Variants in ARHGAP24 observed in about 807,000 individuals in gnomAD.
ARHGAP24 encodes the protein rho GTPase-activating protein 24.
In ARHGAP24, 50 loss-of-function variants were observed where a neutral mutation model predicts 76.4. That is an observed-to-expected ratio of 0.65 (90% CI 0.52 to 0.83). The LOEUF (loss-of-function observed/expected upper bound fraction) is 0.83. Ranked by LOEUF, ARHGAP24 falls within the 40% of genes least tolerant of loss-of-function variation. The pLI, the probability that ARHGAP24 is intolerant of heterozygous loss-of-function variation, is 0.00. For synonymous variants in ARHGAP24, 345 were observed against 323.3 expected, an observed-to-expected ratio of 1.07 and a Z score of -0.72; for missense variants, 930 against 914.2, an observed-to-expected ratio of 1.02 and a Z score of -0.22.
At position 86,000,952 on chromosome 4, in the gene ARHGAP24, T is replaced by C; in HGVS notation, c.*230T>C. On this transcript the variant is annotated 3_prime_UTR_variant, in exon 10 of 10. Coordinates refer to ENST00000395184, the MANE Select transcript of ARHGAP24 (RefSeq NM_001025616.3). ...AACTGGATATGTGTATATAGAGTAG[T>C]TTTTCAAAAGTAAACTAAAAATGAG... 1.8e-6 allele frequency: 1 copy of C among 558,170 alleles called. No individual in the cohort carries two copies. The highest frequency in any genetic ancestry group is 3.0e-6 in the Non-Finnish European group (1 of 331,220). 34.6% of individuals were successfully genotyped at this position (558,170 alleles called of 1,614,324 possible). A position where few individuals can be genotyped will look rare whatever the true frequency, so the allele number is the denominator to read the frequency against.
Position 85,963,028 on chromosome 4 carries a change from G to C in ARHGAP24, c.600-9008G>C, listed in dbSNP as rs1175212135. On this transcript the variant is annotated intron_variant, in intron 5 of 9. Coordinates refer to ENST00000395184, the MANE Select transcript of ARHGAP24 (RefSeq NM_001025616.3). ...TATCTGTATGTATGTACATTTATGTGTGTGTAATATGTGTATGTACACACA... is the reference window on the plus strand; with the variant it reads ...TATCTGTATGTATGTACATTTATGTCTGTGTAATATGTGTATGTACACACA... 2.0e-5 allele frequency among the ~76,000 whole-genome samples: 3 copies of C among 151,948 alleles called. No homozygotes were observed. In the East Asian group the frequency reaches 5.8e-4, roughly 29 times the overall value.
intron 3 of ARHGAP24, among the ~76,000 whole-genome samples, chr4:85,880,302 G>T (rs1471289656): frequency 6.6e-6 from 1 of 152,120 alleles, no homozygotes; most frequent in Admixed American, 6.5e-5. Flanking sequence ...GAATGGCACA[G>T]GCATTACAAC....
At chr4:85,616,199 G>A (rs1476835253) in intron 2 of ARHGAP24, among the ~76,000 whole-genome samples, 1 of 152,140 alleles carries the variant, frequency 6.6e-6, no homozygotes, top group Non-Finnish European at 1.5e-5. Flanking sequence ...TATTAATCCA[G>A]TAGCTGAGAG....
chr4:85,758,242 T>C (rs1426212704), intron 3 of ARHGAP24, among the ~76,000 whole-genome samples: 1 of 152,204 alleles, frequency 6.6e-6, no homozygotes, highest in Non-Finnish European at 1.5e-5. Context: ...ATCAGTTATC[T>C]TCCTGAAGAT....
intron 1 of ARHGAP24, among the ~76,000 whole-genome samples, chr4:85,502,480 T>C (rs1452301137): frequency 6.6e-6 from 1 of 152,146 alleles, no homozygotes; most frequent in Non-Finnish European, 1.5e-5. Flanking sequence ...ATTCTCTTTG[T>C]AGTAATTGTG....
chr4:85,499,280 T>C (rs1245020500), intron 1 of ARHGAP24, among the ~76,000 whole-genome samples: 2 of 152,140 alleles, frequency 1.3e-5, no homozygotes, highest in Non-Finnish European at 2.9e-5. Flanking sequence ...TGATGATAGG[T>C]TTAGTTCATA....
chr4:85,585,570 A>T (rs749627199), intron 2 of ARHGAP24, among the ~76,000 whole-genome samples: 12 of 152,222 alleles, frequency 7.9e-5, no homozygotes, highest in Non-Finnish European at 1.6e-4. Flanking sequence ...ATACCTGTTG[A>T]TGTGATGATG....
chr4:85,543,859 A>G (rs1237314619), intron 1 of ARHGAP24, among the ~76,000 whole-genome samples: 1 of 152,200 alleles, frequency 6.6e-6, no homozygotes, highest in Non-Finnish European at 1.5e-5. Context: ...TTTTAGTAGT[A>G]GTCGTAGTAG....
chr4:85,742,200 G>A (rs1725853715), intron 3 of ARHGAP24, among the ~76,000 whole-genome samples: 1 of 152,226 alleles, frequency 6.6e-6, no homozygotes, highest in Admixed American at 6.5e-5. Context: ...CAACCTTGGA[G>A]GCAGAAGCTG....
chr4:85,836,782 G>T (rs2047822282), intron 3 of ARHGAP24, among the ~76,000 whole-genome samples: 1 of 152,204 alleles, frequency 6.6e-6, no homozygotes, highest in South Asian at 2.1e-4. Context: ...GCTATTCGAA[G>T]TGTGGTCAGT....
At chr4:85,918,638 T>C (rs1487447792) in intron 3 of ARHGAP24, among the ~76,000 whole-genome samples, 1 of 152,142 alleles carries the variant, frequency 6.6e-6, no homozygotes, top group Non-Finnish European at 1.5e-5. Flanking sequence ...CTTTTCTTAA[T>C]CTAACTTTTA....
chr4:85,547,582 C>T (rs1211784966), intron 1 of ARHGAP24, among the ~76,000 whole-genome samples: 2 of 152,012 alleles, frequency 1.3e-5, no homozygotes, highest in African/African-American at 2.4e-5. Flanking sequence ...ACTACAGTCA[C>T]GCACCACCAT....
intron 2 of ARHGAP24, among the ~76,000 whole-genome samples, chr4:85,620,694 G>A (rs568212884): frequency 4.3e-4 from 65 of 151,252 alleles, no homozygotes; most frequent in African/African-American, 1.5e-3. Context: ...ACAAACTTTG[G>A]GCTTAAGTTG....
intron 3 of ARHGAP24, among the ~76,000 whole-genome samples, chr4:85,911,408 A>T (rs993902371): frequency 6.6e-6 from 1 of 152,228 alleles, no homozygotes; most frequent in Non-Finnish European, 1.5e-5. Flanking sequence ...AAAAAAAATT[A>T]AAACAATGAA....
intron 2 of ARHGAP24, among the ~76,000 whole-genome samples, chr4:85,647,342 A>T (rs1411592010): frequency 1.3e-5 from 2 of 152,068 alleles, no homozygotes; most frequent in Non-Finnish European, 2.9e-5. Flanking sequence ...AATGGGAAAA[A>T]TTATCTAACA....
intron 1 of ARHGAP24, among the ~76,000 whole-genome samples, chr4:85,558,096 A>C (rs1205209774): frequency 6.6e-6 from 1 of 152,130 alleles, no homozygotes; most frequent in Non-Finnish European, 1.5e-5. Context: ...GGAAGACTCT[A>C]CTTGGCACTG....
intron 8 of ARHGAP24, among the ~76,000 whole-genome samples, chr4:85,981,630 T>C (rs1161753133): frequency 6.6e-6 from 1 of 152,150 alleles, no homozygotes; most frequent in East Asian, 1.9e-4. Context: ...ATGTCCTGGC[T>C]TTATTGCCTT....
chr4:85,852,353 CT>C (rs1731283662), intron 3 of ARHGAP24, among the ~76,000 whole-genome samples: 1 of 152,132 alleles, frequency 6.6e-6, no homozygotes, highest in African/African-American at 2.4e-5. Flanking sequence ...TTTGTCTAAT[CT>C]TTTTTCAAGG....
chr4:85,891,170 C>T (rs372356768), intron 3 of ARHGAP24, among the ~76,000 whole-genome samples: 18 of 152,148 alleles, frequency 1.2e-4, no homozygotes, highest in African/African-American at 4.3e-4. Flanking sequence ...CTAAGGGGGA[C>T]GTTATACTAC....
Sources: allele counts gnomAD v4.1 joint callset (sites outside exome capture counted in the v4.1 genomes callset), GRCh38; gene constraint gnomAD v4.1.1; transcripts MANE v1.5; gene names NCBI Gene and HGNC (gene_info 2026-07-23, HGNC 2026-07-21).